Variants in MAB21L4 observed in about 807,000 individuals in gnomAD.
MAB21L4 encodes the protein protein mab-21-like 4.
In MAB21L4, 25 loss-of-function variants were observed where a neutral mutation model predicts 32.4. That is an observed-to-expected ratio of 0.77 (90% CI 0.56 to 1.08). The LOEUF (loss-of-function observed/expected upper bound fraction) is 1.08. Ranked by LOEUF, MAB21L4 falls within the 50% of genes least tolerant of loss-of-function variation. MAB21L4 has a pLI of 0.00. For synonymous variants in MAB21L4, 280 were observed against 276.8 expected (o/e 1.01, Z -0.11); for missense variants, 638 against 611.0 (o/e 1.04, Z -0.47).
At position 240,886,907 on chromosome 2, in the gene MAB21L4, G is replaced by C. The variant is rs2059099886; in HGVS notation, c.*163C>G. On this transcript the variant is annotated 3_prime_UTR_variant, in exon 5 of 5. Transcript: ENST00000388934. ...CAAGAGGCCTGCCCTGCCCCACCAG[G>C]CACTGAAAGACTCTCAGAGGCCACT... is the stretch of plus-strand genomic sequence containing the variant. 1 of 578,486 alleles carries C rather than the reference G, an allele frequency of 1.7e-6. No individual in the cohort carries two copies. The highest frequency in any genetic ancestry group is 3.0e-6 in the Non-Finnish European group (1 of 328,542). 35.8% of individuals were successfully genotyped at this position (578,486 alleles called of 1,614,324 possible). A position where few individuals can be genotyped will look rare whatever the true frequency, so the allele number is the denominator to read the frequency against.
chr2:240,894,343 C>T (rs1208284478), intron 1 of MAB21L4, among the ~76,000 whole-genome samples: 1 of 152,188 alleles, frequency 6.6e-6, no homozygotes, highest in African/African-American at 2.4e-5. Flanking sequence ...GTCCCCAGTT[C>T]CCTTCCAGGA....
At position 240,886,159 on chromosome 2, in the gene MAB21L4, A is replaced by T. The variant is rs894447835; in HGVS notation, c.*911T>A. On this transcript the variant is annotated 3_prime_UTR_variant, in exon 5 of 5. Transcript: ENST00000388934. ...GGTGGAAGGTGAAGGAGAAGGAGGC[A>T]TATCTTACATGGCCGGAGAAAGAGG... 1 of 153,398 alleles carries T rather than the reference A, an allele frequency of 6.5e-6. No individual in the cohort carries two copies. The highest frequency in any genetic ancestry group is 2.4e-5 in the African/African-American group (1 of 41,442). 9.5% of individuals were successfully genotyped at this position (153,398 alleles called of 1,614,324 possible). A position where few individuals can be genotyped will look rare whatever the true frequency, so the allele number is the denominator to read the frequency against.
At position 240,890,043 on chromosome 2, in the gene MAB21L4, T is replaced by C. The variant is rs2059130292; in HGVS notation, c.856A>G (p.Ser286Gly). 6.2e-7 allele frequency: 1 copy of C among 1,613,068 alleles called. No homozygotes were observed. The highest frequency in any genetic ancestry group is 1.7e-5 in the Admixed American group (1 of 59,976). Residue 286 changes from serine (S) to glycine (G), a missense_variant, in exon 3 of 5, where the codon AGT becomes GGT. Transcript: ENST00000388934. Reference protein sequence around the residue: ...DRVNHESWRDSGQTDGLTFGH... With the variant: ...DRVNHESWRDGGQTDGLTFGH... ...AAGGTCAGGCCGTCAGTCTGGCCAC[T>C]GTCACGCCAGCTCTCGTGGTTGACC... is the stretch of plus-strand genomic sequence containing the variant.
At chr2:240,893,761 T>TCTCTGGG (rs145185192) in intron 1 of MAB21L4, among the ~76,000 whole-genome samples, 1 of 152,114 alleles carries the variant, frequency 6.6e-6, no homozygotes, top group South Asian at 2.1e-4. Flanking sequence ...GTGAGGAGCC[T>TCTCTGGG]GGCGGCTTAG....
Position 240,891,713 on chromosome 2 carries a change from G to C in MAB21L4, c.565C>G (p.Leu189Val). Reference protein sequence around the residue: ...LREEQLHLSLLVSSGWRTISF... With the variant: ...LREEQLHLSLVVSSGWRTISF... ...ATTGTTCTCCAGCCGCTGGACACCAGCAAGGACAGGTGGAGCTGCTCCTCC... is the reference window on the plus strand; with the variant it reads ...ATTGTTCTCCAGCCGCTGGACACCACCAAGGACAGGTGGAGCTGCTCCTCC... Residue 189 changes from leucine (L) to valine (V), a missense_variant, in exon 2 of 5, where the codon CTG becomes GTG. Leu to Val is a conservative substitution (Grantham distance 32). Transcript: ENST00000388934. 2 of 1,610,002 alleles carry C rather than the reference G, an allele frequency of 1.2e-6. No homozygotes were observed. Among genetic ancestry groups the C allele is most frequent in the Non-Finnish European group, 1.7e-6 (2 of 1,179,948 alleles).
At chr2:240,890,609 A>T (rs1184338356) in intron 2 of MAB21L4, among the ~76,000 whole-genome samples, 1 of 152,104 alleles carries the variant, frequency 6.6e-6, no homozygotes, top group Non-Finnish European at 1.5e-5. Flanking sequence ...ACACCAGATG[A>T]CTTGCTGCGT....
In MAB21L4 at chr2:240,895,999, C is replaced by T; in HGVS notation, c.-2G>A. On this transcript the variant is annotated 5_prime_UTR_variant, in exon 1 of 5. Coordinates refer to ENST00000388934, the MANE Select transcript of MAB21L4 (RefSeq NM_001085437.3). The stretch of plus-strand genomic sequence containing the variant: ...GGTGGGGAGAGCAGGGGCAGGCATC[C>T]CTTCAACAGTGGCAGGTGAGGGCCA... The T allele has an allele frequency of 6.9e-7, 1 of 1,445,646 alleles. No individual in the cohort carries two copies. The highest frequency in any genetic ancestry group is 9.1e-7 in the Non-Finnish European group (1 of 1,104,500). 89.6% of individuals were successfully genotyped at this position (1,445,646 alleles called of 1,614,324 possible).
intron 2 of MAB21L4, 30 bp from the exon 3 acceptor site, chr2:240,890,188 C>T (rs1170744880): frequency 9.6e-6 from 15 of 1,570,548 alleles, no homozygotes; most frequent in Non-Finnish European, 1.3e-5. Context: ...ACTGGGTCAG[C>T]CCCCGCCGCT....
intron 3 of MAB21L4, 128 bp from the exon 4 acceptor site, chr2:240,888,776 C>A: frequency 1.6e-6 from 1 of 608,334 alleles, no homozygotes; most frequent in Admixed American, 3.8e-5. Context: ...CTACCCTGTG[C>A]CCTCCCCTCC....
Position 240,890,047 on chromosome 2 carries a change from A to G in MAB21L4, c.852T>C (p.Arg284=). ...TCAGGCCGTCAGTCTGGCCACTGTCACGCCAGCTCTCGTGGTTGACCCGGT... is the reference window on the plus strand; with the variant it reads ...TCAGGCCGTCAGTCTGGCCACTGTCGCGCCAGCTCTCGTGGTTGACCCGGT... The part of the protein sequence containing the change: ...ILDRVNHESW[R]DSGQTDGLTF... The change falls in exon 3 of 5, where the codon CGT becomes CGC. Residue 284 remains arginine, a synonymous_variant. Coordinates refer to ENST00000388934, the MANE Select transcript of MAB21L4 (RefSeq NM_001085437.3). The G allele has an allele frequency of 1.2e-6, 2 of 1,613,176 alleles. No individual in the cohort carries two copies. Among genetic ancestry groups the G allele is most frequent in the African/African-American group, 1.3e-5 (1 of 75,030 alleles).
intron 3 of MAB21L4, among the ~76,000 whole-genome samples, chr2:240,889,035 A>G (rs2059122609): frequency 6.6e-6 from 1 of 151,930 alleles, no homozygotes; most frequent in African/African-American, 2.4e-5. Context: ...CAACGGGCCC[A>G]TGGCATTGTC....
Position 240,896,126 on chromosome 2 carries a change from A to C in MAB21L4, c.-129T>G, listed in dbSNP as rs10206101. 0.52 allele frequency: 697,911 copies of C among 1,352,128 alleles called. 183,308 individuals are homozygous for C. Among genetic ancestry groups the C allele is most frequent in the African/African-American group, 0.74 (49,658 of 67,420 alleles). 83.8% of individuals were successfully genotyped at this position (1,352,128 alleles called of 1,614,324 possible). On this transcript the variant is annotated 5_prime_UTR_variant, in exon 1 of 5. Transcript: ENST00000388934. ...GTCTGCAGGTGGGGCCTCAGCTCCC[A>C]CACAGCAGAATTCCAGAGTGACAGC...
At chr2:240,893,764 C>T (rs764479247) in intron 1 of MAB21L4, among the ~76,000 whole-genome samples, 1 of 152,212 alleles carries the variant, frequency 6.6e-6, no homozygotes. Context: ...AGGAGCCTGG[C>T]GGCTTAGAGC....
intron 3 of MAB21L4, among the ~76,000 whole-genome samples, chr2:240,889,395 G>A (rs749455222): frequency 8.5e-5 from 13 of 152,074 alleles, no homozygotes; most frequent in South Asian, 6.2e-4. Context: ...GTGGAGCAGC[G>A]CCCGGCTGGC....
At chr2:240,889,496 G>A (rs1336408375) in intron 3 of MAB21L4, among the ~76,000 whole-genome samples, 3 of 152,174 alleles carry the variant, frequency 2.0e-5, no homozygotes, top group Admixed American at 6.5e-5. Flanking sequence ...TGGAATCCCT[G>A]GCCCCTGCCT....
rs368820404 is a variant in MAB21L4, at chr2:240,895,780, C to T, written c.218G>A (p.Arg73His). 1.3e-5 allele frequency: 21 copies of T among 1,608,604 alleles called. No homozygotes were observed. Among genetic ancestry groups the T allele is most frequent in the Non-Finnish European group, 1.7e-5 (20 of 1,177,046 alleles). ...CATGTCCATTGGGTCCTCAGAGGAG[C>T]GCAGGGCGAACTGGAAGGCCTCCAG... Reference protein sequence around the residue: ...RGLEAFQFALRSSEDPMDMEV... With the variant: ...RGLEAFQFALHSSEDPMDMEV... Residue 73 changes from arginine to histidine, a missense_variant, in exon 1 of 5, where the codon CGC becomes CAC. By Grantham distance (29) the Arg-to-His change is conservative. Transcript: ENST00000388934.
chr2:240,886,974 C>G lies in MAB21L4; in HGVS notation c.*96G>C. The G allele has an allele frequency of 1.1e-6, 1 of 946,060 alleles. No homozygotes were observed. Among genetic ancestry groups the G allele is most frequent in the Non-Finnish European group, 1.7e-6 (1 of 599,890 alleles). The allele number at this position is 946,060 out of a possible 1,614,324, so 58.6% of individuals were successfully genotyped here. ...CTCCACTACCCCCTCAAGGAGAAGC[C>G]CGTTTCTTCTTCCAAACATCCCAGG... On this transcript the variant is annotated 3_prime_UTR_variant, in exon 5 of 5. Coordinates refer to ENST00000388934, the MANE Select transcript of MAB21L4 (RefSeq NM_001085437.3).
At chr2:240,890,949 T>A (rs1180931865) in intron 2 of MAB21L4, among the ~76,000 whole-genome samples, 1 of 152,144 alleles carries the variant, frequency 6.6e-6, no homozygotes, top group African/African-American at 2.4e-5. Flanking sequence ...AGGAGGGACA[T>A]AACCAGCTTT....
rs1344958959 is a variant in MAB21L4, at chr2:240,888,631, G to A, written c.912C>T (p.Ala304=). 1 of 1,582,788 alleles carries A rather than the reference G, an allele frequency of 6.3e-7. No individual in the cohort carries two copies. Among genetic ancestry groups the A allele is most frequent in the African/African-American group, 1.4e-5 (1 of 74,032 alleles). The change falls in exon 4 of 5, where the codon GCC becomes GCT. Residue 304 remains alanine, a synonymous_variant. Coordinates refer to ENST00000388934, the MANE Select transcript of MAB21L4 (RefSeq NM_001085437.3). ...FGHLKMVLLW[A]SVLFLAPEDW... ...CCTCGGGCGCCAGGAAGAGCACAGA[G>A]GCCCACAGCAGCACCATCTGCAGGA...
Sources: gnomAD v4.1 joint callset for allele counts (sites outside exome capture counted in the v4.1 genomes callset) on GRCh38, gnomAD v4.1.1 for gene constraint, MANE v1.5 for transcripts, NCBI Gene and HGNC (gene_info 2026-07-23, HGNC 2026-07-21) for gene names.